Variants in ZNF585B observed in about 807,000 individuals in gnomAD.
ZNF585B encodes the protein zinc finger protein 41-like protein.
Under a neutral mutation model 14.0 loss-of-function variants are expected in ZNF585B, and 7 were observed. The ratio of observed to expected loss-of-function variants is 0.50; its 90% confidence interval spans 0.28 to 0.94. ZNF585B has a LOEUF of 0.94. Ranked by LOEUF, ZNF585B falls within the 40% of genes least tolerant of loss-of-function variation. ZNF585B has a pLI of 0.09. For synonymous variants in ZNF585B, 290 were observed against 317.3 expected (o/e 0.91, Z 0.91); for missense variants, 750 against 924.4 (o/e 0.81, Z 2.45).
intron 2 of ZNF585B, among the ~76,000 whole-genome samples, chr19:37,197,516 AAATGGT>A (rs1337625378): frequency 2.0e-5 from 3 of 152,216 alleles, no homozygotes; most frequent in Admixed American, 6.6e-5. Flanking sequence ...TTGCTGGGTC[AAATGGT>A]AATTCTAGTT....
At chr19:37,198,264 C>T (rs1174993428) in intron 2 of ZNF585B, among the ~76,000 whole-genome samples, 4 of 151,972 alleles carry the variant, frequency 2.6e-5, no homozygotes, top group South Asian at 2.1e-4. Flanking sequence ...CTCCGCCTCC[C>T]GTGTTCAAGC....
intron 4 of ZNF585B, among the ~76,000 whole-genome samples, chr19:37,188,991 G>A (rs1416841230): frequency 6.6e-6 from 1 of 151,228 alleles, no homozygotes; most frequent in Non-Finnish European, 1.5e-5. Context: ...AGGCTGGAGT[G>A]CAATGGCATG....
At chr19:37,199,553 G>GT (rs1377885918) in intron 2 of ZNF585B, 1 of 430,270 alleles carries the variant, frequency 2.3e-6, no homozygotes, top group African/African-American at 2.0e-5. Flanking sequence ...AGTTTGTCCA[G>GT]GAAGAAACCT....
At position 37,207,225 on chromosome 19, in the gene ZNF585B, C is replaced by A; in HGVS notation, c.-114G>T. 3 of 1,534,672 alleles carry A rather than the reference C, an allele frequency of 2.0e-6. No individual in the cohort carries two copies. Among genetic ancestry groups the A allele is most frequent in the Non-Finnish European group, 2.6e-6 (3 of 1,144,094 alleles). On this transcript the variant is annotated 5_prime_UTR_variant, in exon 2 of 5. Transcript: ENST00000532828. Reference sequence around the variant, plus strand: ...GGCTGGAGTCTGGAGGAAGGTCTGGCCCAGGGACTCCCCAGAGACACCCAA... The same window carrying A: ...GGCTGGAGTCTGGAGGAAGGTCTGGACCAGGGACTCCCCAGAGACACCCAA...
chr19:37,204,651 T>G (rs1372605871), intron 2 of ZNF585B, among the ~76,000 whole-genome samples: 1 of 152,148 alleles, frequency 6.6e-6, no homozygotes, highest in Non-Finnish European at 1.5e-5. Context: ...CATAGCTAGG[T>G]GTAATCTCGA....
chr19:37,209,723 C>CT (rs755649009), intron 1 of ZNF585B, among the ~76,000 whole-genome samples: 33,227 of 117,716 alleles, frequency 0.28, 5,842 homozygotes, highest in East Asian at 0.65. Context: ...AAGTGCACTT[C>CT]TTTTTTTTTT....
At chr19:37,205,073 T>A (rs12611041) in intron 2 of ZNF585B, among the ~76,000 whole-genome samples, 19,410 of 150,572 alleles carry the variant, frequency 0.13, 1,710 homozygotes, top group East Asian at 0.4. Context: ...TTTAATTAAA[T>A]TTTTTTTTTG....
At chr19:37,206,192 C>T (rs532037990) in intron 2 of ZNF585B, among the ~76,000 whole-genome samples, 2 of 151,968 alleles carry the variant, frequency 1.3e-5, no homozygotes, top group Admixed American at 1.3e-4. Context: ...TGGCTCATGC[C>T]TGTAATCCCA....
chr19:37,206,622 A>G (rs1972590381), intron 2 of ZNF585B, among the ~76,000 whole-genome samples: 1 of 152,214 alleles, frequency 6.6e-6, no homozygotes, highest in Non-Finnish European at 1.5e-5. Flanking sequence ...AGTAGAGAAA[A>G]GAAATGGAGA....
chr19:37,198,926 T>A (rs1368718608), intron 2 of ZNF585B: 3 of 1,411,012 alleles, frequency 2.1e-6, no homozygotes, highest in Non-Finnish European at 2.8e-6. Flanking sequence ...AAATTATGAT[T>A]TTTGAAAGCT....
intron 2 of ZNF585B, chr19:37,198,802 T>TATCGAG: frequency 2.6e-6 from 1 of 383,932 alleles, no homozygotes. Flanking sequence ...TTATTTATTG[T>TATCGAG]ATAAAGATTC....
At chr19:37,200,589 C>G (rs1972521522) in intron 2 of ZNF585B, among the ~76,000 whole-genome samples, 1 of 138,426 alleles carries the variant, frequency 7.2e-6, no homozygotes, top group African/African-American at 2.7e-5. Flanking sequence ...GTGGCAAAGA[C>G]AAGTGAGCAA....
rs1418749994 is a variant in ZNF585B at position 37,182,012 on chromosome 19, G to A, written c.*3215C>T. On this transcript the variant is annotated 3_prime_UTR_variant, in exon 5 of 5. Transcript: ENST00000532828. ...GACTTTGGCCGATAGTGTCAATGTA[G>A]TTTCATCAATTGTAACAAATGTACC... The A allele has an allele frequency of 6.6e-6, 1 of 152,084 alleles. No individual in the cohort carries two copies. The highest frequency in any genetic ancestry group is 1.5e-5 in the Non-Finnish European group (1 of 68,016). 9.4% of individuals were successfully genotyped at this position (152,084 alleles called of 1,614,324 possible).
At position 37,182,929 on chromosome 19, in the gene ZNF585B, C is replaced by T. The variant is rs1431820654; in HGVS notation, c.*2298G>A. On this transcript the variant is annotated 3_prime_UTR_variant, in exon 5 of 5. Transcript: ENST00000532828. ...AGATACCTAATATCCAATGAAGATC[C>T]ACCCAAGTCTGCTCTAGTTCCCTGC... is the stretch of plus-strand genomic sequence containing the variant. The T allele has an allele frequency of 6.6e-6, 1 of 152,210 alleles. No homozygotes were observed. Among genetic ancestry groups the T allele is most frequent in the East Asian group, 1.9e-4 (1 of 5,194 alleles). The allele number at this position is 152,210 out of a possible 1,614,324, so 9.4% of individuals were successfully genotyped here. A position where few individuals can be genotyped will look rare whatever the true frequency, so the allele number is the denominator to read the frequency against.
chr19:37,204,105 G>C (rs556139972), intron 2 of ZNF585B, among the ~76,000 whole-genome samples: 1 of 152,106 alleles, frequency 6.6e-6, no homozygotes, highest in Non-Finnish European at 1.5e-5. Flanking sequence ...ATAGTTCAAA[G>C]ATACATTATT....
At chr19:37,195,222 T>C (rs1264577606) in intron 2 of ZNF585B, among the ~76,000 whole-genome samples, 1 of 151,446 alleles carries the variant, frequency 6.6e-6, no homozygotes, top group African/African-American at 2.4e-5. Flanking sequence ...GGCACGCACC[T>C]GTAGTCCCAA....
intron 1 of ZNF585B, among the ~76,000 whole-genome samples, chr19:37,208,823 CT>C (rs1378691045): frequency 1.3e-5 from 2 of 152,134 alleles, no homozygotes; most frequent in Non-Finnish European, 2.9e-5. Context: ...GAAACGCTGT[CT>C]CTACTAAAAA....
Position 37,185,372 on chromosome 19 carries a change from TC to T in ZNF585B, c.2164del (p.Glu722SerfsTer12). 6.2e-7 allele frequency: 1 copy of T among 1,614,132 alleles called. No individual in the cohort carries two copies. Among genetic ancestry groups the T allele is most frequent in the Non-Finnish European group, 8.5e-7 (1 of 1,180,046 alleles). On this transcript the variant is annotated frameshift_variant, in exon 5 of 5. Coordinates refer to ENST00000532828, the MANE Select transcript of ZNF585B (RefSeq NM_152279.4). LOFTEE classifies it low-confidence loss of function (END_TRUNC). Reference protein sequence around the residue: ...HTGEKPYVCAECGKAFSNRSN... With the variant: ...HTGEKPYVCAXCGKAFSNRSN... ...CCTGTTGCTAAAGGCCTTCCCACAC[TC>T]AGCACACACGTAAGGCTTCTCTCCA... is the stretch of plus-strand genomic sequence containing the variant.
At chr19:37,198,437 G>T (rs772801534) in intron 2 of ZNF585B, among the ~76,000 whole-genome samples, 1 of 152,138 alleles carries the variant, frequency 6.6e-6, no homozygotes, top group South Asian at 2.1e-4. Flanking sequence ...TTCTCAAAGT[G>T]CTGGGATTAC....
Sources: gnomAD v4.1 joint callset for allele counts (sites outside exome capture counted in the v4.1 genomes callset) on GRCh38, gnomAD v4.1.1 for gene constraint, MANE v1.5 for transcripts, NCBI Gene and HGNC (gene_info 2026-07-23, HGNC 2026-07-21) for gene names.